The following INTU variants were observed in gnomAD, a reference collection of about 807,000 sequenced individuals.
INTU encodes the protein protein inturned.
A neutral mutation model predicts 100.5 loss-of-function variants in INTU; 68 were observed. The ratio of observed to expected loss-of-function variants is 0.68; its 90% CI spans 0.56 to 0.83. INTU has a LOEUF of 0.83. Ranked by LOEUF, INTU falls within the 40% of genes least tolerant of loss-of-function variation. INTU has a pLI of 0.00. For missense variants in INTU, 1,071 were observed against 1,114.7 expected (o/e 0.96, Z 0.56); for synonymous variants, 357 against 395.7 (o/e 0.90, Z 1.16).
intron 5 of INTU, among the ~76,000 whole-genome samples, chr4:127,672,918 T>C (rs1049813518): frequency 2.6e-5 from 4 of 152,226 alleles, no homozygotes; most frequent in Non-Finnish European, 5.9e-5. Context: ...AAACTGAACA[T>C]ATGTAAAATG....
rs1231395566 is a variant in INTU, at chr4:127,706,834, T to TAGTGG, written c.2139_2143dup (p.Gly715ValfsTer37). On this transcript the variant is annotated frameshift_variant, in exon 12 of 16. Transcript: ENST00000335251. LOFTEE classifies it high-confidence loss of function. The stretch of plus-strand genomic sequence containing the variant: ...CACGCAAGCCTAGTCCTTCCTGTAG[T>TAGTGG]AGTGGAGGATCTGACAATGGTTGTG... 20 of 1,614,084 alleles carry TAGTGG rather than the reference T, an allele frequency of 1.2e-5. No individual in the cohort carries two copies. Among genetic ancestry groups the TAGTGG allele is most frequent in the Non-Finnish European group, 1.7e-5 (20 of 1,179,998 alleles).
At chr4:127,698,062 G>A (rs1245147730) in intron 8 of INTU, among the ~76,000 whole-genome samples, 1 of 152,246 alleles carries the variant, frequency 6.6e-6, no homozygotes, top group African/African-American at 2.4e-5. Context: ...GGAGGTTGCG[G>A]TGAGCTGAGT....
intron 2 of INTU, among the ~76,000 whole-genome samples, chr4:127,651,791 T>G (rs529247348): frequency 6.6e-6 from 1 of 151,180 alleles, no homozygotes; most frequent in Middle Eastern, 3.4e-3. Context: ...TGGCATTGAA[T>G]CTGTAAATTA....
chr4:127,640,555 A>G (rs1399789521), intron 1 of INTU, among the ~76,000 whole-genome samples: 1 of 43,842 alleles, frequency 2.3e-5, no homozygotes, highest in African/African-American at 1.0e-4. Context: ...ATATATATAT[A>G]TATATATATA....
rs143670329 is a variant in INTU at position 127,702,256 on chromosome 4, T to C, written c.1504-1972T>C. Among the ~76,000 whole-genome samples, 14 of 152,070 alleles carry C rather than the reference T, an allele frequency of 9.2e-5. No homozygotes were observed. In the East Asian group the frequency reaches 2.5e-3, roughly 27 times the overall value. On this transcript the variant is annotated intron_variant, in intron 9 of 15. Transcript: ENST00000335251. Reference sequence around the variant, plus strand: ...AAATGGATAAATTGAGAATGTAAAATGGTACAACTACTTTGGAAGACAGTT... The same window carrying C: ...AAATGGATAAATTGAGAATGTAAAACGGTACAACTACTTTGGAAGACAGTT...
In INTU at chr4:127,706,848, A is replaced by C. The variant is rs1318726822; in HGVS notation, c.2150A>C (p.Asp717Ala). The C allele has an allele frequency of 1.2e-6, 2 of 1,614,132 alleles. No homozygotes were observed. The highest frequency in any genetic ancestry group is 2.2e-5 in the South Asian group (2 of 91,080). The change falls in exon 12 of 16, where the codon GAC becomes GCC. Residue 717 changes from aspartate to alanine, a missense_variant. Asp to Ala is a moderately radical substitution (Grantham distance 126). Transcript: ENST00000335251. ...PSPSCSSGGS[D>A]NGCEGGEDDG... ...CCTTCCTGTAGTAGTGGAGGATCTG[A>C]CAATGGTTGTGAAGGTGGAGAAGAT...
intron 5 of INTU, among the ~76,000 whole-genome samples, chr4:127,673,572 G>T (rs1225999825): frequency 6.7e-6 from 1 of 149,688 alleles, no homozygotes; most frequent in Non-Finnish European, 1.5e-5. Flanking sequence ...TTCTATAATA[G>T]GTCTATTTTT....
rs1731327973 is a variant in INTU, at chr4:127,720,308, C to G, written c.*3872C>G. 6.6e-6 allele frequency: 1 copy of G among 152,186 alleles called. No homozygotes were observed. 9.4% of individuals were successfully genotyped at this position (152,186 alleles called of 1,614,324 possible). A position where few individuals can be genotyped will look rare whatever the true frequency, so the allele number is the denominator to read the frequency against. On this transcript the variant is annotated 3_prime_UTR_variant, in exon 16 of 16. Transcript: ENST00000335251. ...TGTGGTTTTGAGTGACTTTCTTACT[C>G]TTGAGTTCCAATTTGATTGCGCTGT...
At chr4:127,688,940 C>CTTTCTTTCTTTCTT (rs1225308313) in intron 8 of INTU, among the ~76,000 whole-genome samples, 12 of 54,132 alleles carry the variant, frequency 2.2e-4, no homozygotes, top group African/African-American at 1.3e-3. Flanking sequence ...TTACCCTTTC[C>CTTTCTTTCTTTCTT]TTTCTTTCTT....
At chr4:127,684,146 A>G (rs889351174) in intron 6 of INTU, among the ~76,000 whole-genome samples, 3 of 152,196 alleles carry the variant, frequency 2.0e-5, no homozygotes, top group Non-Finnish European at 2.9e-5. Flanking sequence ...CATTTTACAG[A>G]TGAAGAAACT....
At chr4:127,702,586 A>G (rs1730696372) in intron 9 of INTU, among the ~76,000 whole-genome samples, 1 of 152,154 alleles carries the variant, frequency 6.6e-6, no homozygotes, top group Admixed American at 6.6e-5. Context: ...ACATAGCTAT[A>G]TGCATTTGTC....
intron 5 of INTU, among the ~76,000 whole-genome samples, chr4:127,672,733 G>A (rs1252862285): frequency 6.6e-6 from 1 of 152,044 alleles, no homozygotes; most frequent in African/African-American, 2.4e-5. Flanking sequence ...GTCTGAAAGT[G>A]TATGCATTTC....
intron 6 of INTU, among the ~76,000 whole-genome samples, chr4:127,679,145 A>T (rs1281673981): frequency 4.0e-5 from 6 of 151,798 alleles, no homozygotes; most frequent in Admixed American, 3.3e-4. Context: ...CTCCCACACA[A>T]TAATAATGGG....
intron 1 of INTU, among the ~76,000 whole-genome samples, chr4:127,633,490 C>A (rs569727569): frequency 1.3e-5 from 2 of 152,090 alleles, no homozygotes; most frequent in African/African-American, 2.4e-5. Context: ...TCTGTAACAG[C>A]GTTCAAAAAA....
chr4:127,632,993 G>T lies in INTU; in HGVS notation c.-42G>T. ...GGCGGCCTTAGCAAGCTATAGCTGC[G>T]AGATTTGAATTACTCCACTCGTAGC... On this transcript the variant is annotated 5_prime_UTR_variant, in exon 1 of 16. An upstream open reading frame in the 5' UTR gains an earlier in-frame stop. Coordinates refer to ENST00000335251, the MANE Select transcript of INTU (RefSeq NM_015693.4). 6.3e-7 allele frequency: 1 copy of T among 1,583,220 alleles called. No individual in the cohort carries two copies.
chr4:127,722,229 G>T lies in INTU; in HGVS notation c.*5793G>T, dbSNP rs943955399. ...TGCAGAGCTGCTGCAGTTTGCCTGG[G>T]GTCCACTCTAGACCCTATTCGCCTG... On this transcript the variant is annotated 3_prime_UTR_variant, in exon 16 of 16. Coordinates refer to ENST00000335251, the MANE Select transcript of INTU (RefSeq NM_015693.4). 6.6e-6 allele frequency: 1 copy of T among 152,344 alleles called. No homozygotes were observed. The highest frequency in any genetic ancestry group is 1.5e-5 in the Non-Finnish European group (1 of 68,196). The allele number at this position is 152,344 out of a possible 1,614,324, so 9.4% of individuals were successfully genotyped here.
At chr4:127,668,590 A>G (rs1479387592) in intron 4 of INTU, among the ~76,000 whole-genome samples, 6 of 151,866 alleles carry the variant, frequency 4.0e-5, no homozygotes, top group African/African-American at 1.4e-4. Context: ...CTTTTAAAAA[A>G]TAATGTAAAA....
At position 127,690,200 on chromosome 4, in the gene INTU, T is replaced by C. The variant is rs148192214; in HGVS notation, c.1449+2333T>C. Among the ~76,000 whole-genome samples, 918 of 152,346 alleles carry C rather than the reference T, an allele frequency of 6.0e-3. 6 individuals carry two copies. Among genetic ancestry groups the C allele is most frequent in the Middle Eastern group, 0.02 (6 of 294 alleles). On this transcript the variant is annotated intron_variant, in intron 8 of 15. Transcript: ENST00000335251. ...CCATGTGAAGGCTACCTCTTTTTCA[T>C]TGAGATTTTTGTTAATTTAGCATAT... is the stretch of plus-strand genomic sequence containing the variant.
At chr4:127,709,646 TC>T (rs1731018570) in intron 13 of INTU, among the ~76,000 whole-genome samples, 1 of 151,662 alleles carries the variant, frequency 6.6e-6, no homozygotes, top group Non-Finnish European at 1.5e-5. Flanking sequence ...ATGTGTGGGA[TC>T]AACTGGTGTA....
Sources: allele counts gnomAD v4.1 joint callset (sites outside exome capture counted in the v4.1 genomes callset), GRCh38; gene constraint gnomAD v4.1.1; transcripts MANE v1.5; gene names NCBI Gene and HGNC (gene_info 2026-07-23, HGNC 2026-07-21).